Variants in SLC22A31 observed in about 807,000 individuals in gnomAD.
SLC22A31 encodes the protein solute carrier family 22 member 31, also known as putative solute carrier family 22 member 31.
In SLC22A31, 42 loss-of-function variants were observed where a neutral mutation model predicts 27.4. The ratio of observed to expected loss-of-function variants is 1.53; its 90% CI spans 1.20 to 1.98. The LOEUF (loss-of-function observed/expected upper bound fraction) is 1.98. SLC22A31 is among the 30% of genes most tolerant of loss of function. SLC22A31 has a pLI of 0.00. For missense variants in SLC22A31, 593 were observed against 479.9 expected (o/e 1.24, Z -2.20); for synonymous variants, 290 against 230.8 (o/e 1.26, Z -2.33).
chr16:89,196,249 G>A lies in SLC22A31; in HGVS notation c.1091C>T (p.Pro364Leu), dbSNP rs117169628. The change falls in exon 9 of 9, where the codon CCC (proline) becomes CTC (leucine). Residue 364 changes from proline (P) to leucine (L), a missense_variant. Coordinates refer to ENST00000682282, the MANE Select transcript of SLC22A31 (RefSeq NM_001384763.1). The part of the protein sequence containing the change: ...GAGFLGQAAG[P>L]LDTLHGRQGF... ...CTGCCGGCCGTGCAGGGTGTCCAGG[G>A]GGCCGGCTGCCTGGCCCAGGAACCC... The A allele has an allele frequency of 0.13, 198,387 of 1,531,988 alleles. 14,078 individuals are homozygous for A. The highest frequency in any genetic ancestry group is 0.14 in the Non-Finnish European group (165,573 of 1,144,900). The allele number at this position is 1,531,988 out of a possible 1,614,324, so 94.9% of individuals were successfully genotyped here. A position where few individuals can be genotyped will look rare whatever the true frequency, so the allele number is the denominator to read the frequency against.
intron 3 of SLC22A31, 85 bp from the exon 4 acceptor site, chr16:89,199,276 C>A: frequency 7.4e-7 from 1 of 1,347,344 alleles, no homozygotes; most frequent in Non-Finnish European, 9.9e-7. Flanking sequence ...CTATTGGTGA[C>A]CTGCCCAGGA....
At position 89,198,977 on chromosome 16, in the gene SLC22A31, A is replaced by C. The variant is rs1167696036; in HGVS notation, c.452+46T>G. ...ACGTCGGTGCAGAGGGAAGCTACAT[A>C]GTCAGCCCCGATGAGGGCTGCTGGC... On this transcript the variant is annotated intron_variant, in intron 4 of 8. Coordinates refer to ENST00000682282, the MANE Select transcript of SLC22A31 (RefSeq NM_001384763.1). 3.3e-6 allele frequency: 5 copies of C among 1,523,086 alleles called. No homozygotes were observed. The South Asian group carries it at 6.0e-5, about 18-fold the overall frequency. The allele number at this position is 1,523,086 out of a possible 1,614,324, so 94.3% of individuals were successfully genotyped here. A position where few individuals can be genotyped will look rare whatever the true frequency, so the allele number is the denominator to read the frequency against.
chr16:89,197,809 C>A (rs1196624963), intron 7 of SLC22A31, among the ~76,000 whole-genome samples: 2 of 152,250 alleles, frequency 1.3e-5, no homozygotes, highest in African/African-American at 2.4e-5. Context: ...CCCTCCCACA[C>A]CAGTCCATGG....
At position 89,199,193 on chromosome 16, in the gene SLC22A31, T is replaced by C. The variant is rs1277575262; in HGVS notation, c.284-2A>G. The C allele has an allele frequency of 7.2e-6, 11 of 1,524,944 alleles. No homozygotes were observed. The Admixed American group carries it at 1.8e-4, about 26-fold the overall frequency. 94.5% of individuals were successfully genotyped at this position (1,524,944 alleles called of 1,614,324 possible). A position where few individuals can be genotyped will look rare whatever the true frequency, so the allele number is the denominator to read the frequency against. The stretch of plus-strand genomic sequence containing the variant: ...GGGGAGGGTCACACAACTCCAGGCC[T>C]GGGCAGACACAGACAGGTTGAAGTG... On this transcript the variant is annotated splice_acceptor_variant, in intron 3 of 8. Coordinates refer to ENST00000682282, the MANE Select transcript of SLC22A31 (RefSeq NM_001384763.1). LOFTEE classifies it high-confidence loss of function.
At chr16:89,201,427 T>A (rs1916606940), upstream of SLC22A31, 1 of 382,446 alleles carries the variant, frequency 2.6e-6, no homozygotes, top group Non-Finnish European at 4.6e-6. Context: ...GCGGCTCGCG[T>A]GGGCCCCAGG....
intron 2 of SLC22A31, 45 bp downstream of exon 2, chr16:89,199,668 G>A (rs1916361034): frequency 1.7e-5 from 7 of 403,836 alleles, no homozygotes; most frequent in Non-Finnish European, 3.1e-5. Context: ...GAGAGTGGGC[G>A]GAGGGGAGGG....
At chr16:89,201,613 G>A (rs1009338693), upstream of SLC22A31, 3 of 398,412 alleles carry the variant, frequency 7.5e-6, no homozygotes, top group Admixed American at 8.8e-5. Flanking sequence ...AGCAGGCGCC[G>A]GGCCCGGCCA....
chr16:89,198,271 T>C lies in SLC22A31; in HGVS notation c.773A>G (p.Tyr258Cys). 6.5e-7 allele frequency: 1 copy of C among 1,535,850 alleles called. No homozygotes were observed. The highest frequency in any genetic ancestry group is 8.7e-7 in the Non-Finnish European group (1 of 1,146,880). ...RSLAPQVPTF[Y>C]LPYFLEAGLE... ...GCCGGCCTCCAGGAAGTAGGGCAGG[T>C]AGAAGGTCGGCACCTGAGGTGCCAG... The change falls in exon 7 of 9, where the codon TAC (tyrosine) becomes TGC (cysteine). Residue 258 changes from tyrosine to cysteine, a missense_variant. Transcript: ENST00000682282.
rs1916349479 is a variant in SLC22A31 at position 89,199,568 on chromosome 16, C to A, written c.129-1G>T. ...CACAAAAACTGCCCGGCGTCCAAAC[C>A]TGGTGGGCAGCGGGGGACATGCTTG... On this transcript the variant is annotated splice_acceptor_variant, in intron 2 of 8. Transcript: ENST00000682282. LOFTEE classifies it high-confidence loss of function. 2.3e-6 allele frequency: 1 copy of A among 441,510 alleles called. No homozygotes were observed. The highest frequency in any genetic ancestry group is 3.2e-5 in the East Asian group (1 of 30,818). 27.3% of individuals were successfully genotyped at this position (441,510 alleles called of 1,614,324 possible).
At chr16:89,201,678 C>T, upstream of SLC22A31, 1 of 395,256 alleles carries the variant, frequency 2.5e-6, no homozygotes, top group Non-Finnish European at 4.5e-6. Flanking sequence ...TCGCAGGCTG[C>T]GCTCGGGACG....
At position 89,198,109 on chromosome 16, in the gene SLC22A31, G is replaced by A. The variant is rs1916147943; in HGVS notation, c.922+13C>T. 6.6e-7 allele frequency: 1 copy of A among 1,504,494 alleles called. No homozygotes were observed. The highest frequency in any genetic ancestry group is 8.7e-7 in the Non-Finnish European group (1 of 1,143,598). The allele number at this position is 1,504,494 out of a possible 1,614,324, so 93.2% of individuals were successfully genotyped here. On this transcript the variant is annotated intron_variant, in intron 7 of 8. Coordinates refer to ENST00000682282, the MANE Select transcript of SLC22A31 (RefSeq NM_001384763.1). ...CAATGGCTCCTGTATGGCCTGCGGG[G>A]CCCCAAGCTCACACTGGGCCCCAGC...
At position 89,198,336 on chromosome 16, in the gene SLC22A31, C is replaced by T; in HGVS notation, c.708G>A (p.Ser236=). ...TAGCTCTGATGCCTCCACCAACCAG[C>T]CTGGGAGAGAGAGCAAATCTATGGG... ...WRNGLILGFS[S]LVGGGIRASF... The change falls in exon 7 of 9, where the codon TCG becomes TCA. Residue 236 remains serine, a splice_region_variant and synonymous_variant. Transcript: ENST00000682282. The T allele has an allele frequency of 6.5e-7, 1 of 1,535,854 alleles. No homozygotes were observed. Among genetic ancestry groups the T allele is most frequent in the Non-Finnish European group, 8.7e-7 (1 of 1,146,856 alleles).
rs1364249373 is a variant in SLC22A31, at chr16:89,196,133, G to GC, written c.1206dup (p.Leu403AlafsTer94). 2.0e-6 allele frequency: 3 copies of GC among 1,534,868 alleles called. 1 individual carries two copies. In the South Asian group the frequency reaches 3.6e-5, roughly 18 times the overall value. On this transcript the variant is annotated frameshift_variant, in exon 9 of 9. Coordinates refer to ENST00000682282, the MANE Select transcript of SLC22A31 (RefSeq NM_001384763.1). LOFTEE classifies it low-confidence loss of function (END_TRUNC). ...TCGGCGTCCTGCAGTGACTGGGGCA[G>GC]CCCCCGGCTTCGGCTCTCAGGCAGC...
In SLC22A31 at chr16:89,198,785, C is replaced by G. The variant is rs1412147261; in HGVS notation, c.465G>C (p.Leu155=). The G allele has an allele frequency of 6.5e-7, 1 of 1,531,952 alleles. No homozygotes were observed. The highest frequency in any genetic ancestry group is 1.4e-5 in the African/African-American group (1 of 72,976). The allele number at this position is 1,531,952 out of a possible 1,614,324, so 94.9% of individuals were successfully genotyped here. Residue 155 remains leucine (L), a synonymous_variant, in exon 5 of 9, where the codon CTG becomes CTC. Transcript: ENST00000682282. ...LLLLFWGFPA[L]FPESPCWLLA... is the part of the protein sequence containing the mutation. ...GCAGCCAGCAGGGAGACTCGGGGAACAGGGCCGGGAACCTGCAGCGTTGGT... is the reference window on the plus strand; with the variant it reads ...GCAGCCAGCAGGGAGACTCGGGGAAGAGGGCCGGGAACCTGCAGCGTTGGT...
At chr16:89,196,551 G>A (rs1424849665) in intron 8 of SLC22A31, among the ~76,000 whole-genome samples, 1 of 152,242 alleles carries the variant, frequency 6.6e-6, no homozygotes, top group Non-Finnish European at 1.5e-5. Flanking sequence ...GCAGGGGGAA[G>A]GCCCGGCCTC....
rs1242176203 is a variant in SLC22A31, at chr16:89,198,407, G to T, written c.707+35C>A. 7.2e-6 allele frequency: 11 copies of T among 1,527,360 alleles called. No homozygotes were observed. In the South Asian group the frequency reaches 1.2e-4, roughly 17 times the overall value. The allele number at this position is 1,527,360 out of a possible 1,614,324, so 94.6% of individuals were successfully genotyped here. A position where few individuals can be genotyped will look rare whatever the true frequency, so the allele number is the denominator to read the frequency against. On this transcript the variant is annotated intron_variant, in intron 6 of 8. Coordinates refer to ENST00000682282, the MANE Select transcript of SLC22A31 (RefSeq NM_001384763.1). Reference sequence around the variant, plus strand: ...CTGGGGACCATATGCCCACCCCGGGGGATGGTGCAGGACCCCAGCCCTTCC... The same window carrying T: ...CTGGGGACCATATGCCCACCCCGGGTGATGGTGCAGGACCCCAGCCCTTCC...
chr16:89,196,511 T>C (rs987455719), intron 8 of SLC22A31: 31 of 887,744 alleles, frequency 3.5e-5, no homozygotes, highest in Admixed American at 1.2e-4. Flanking sequence ...GGGCAACAGA[T>C]TGGGGGACAC....
At chr16:89,200,899 C>G (rs977835819), upstream of SLC22A31, among the ~76,000 whole-genome samples, 1 of 152,260 alleles carries the variant, frequency 6.6e-6, no homozygotes, top group Non-Finnish European at 1.5e-5. Context: ...CAAGCAGAGA[C>G]TCTGCCTTGG....
intron 4 of SLC22A31, 96 bp downstream of exon 4, chr16:89,198,927 C>G: frequency 4.0e-6 from 6 of 1,493,110 alleles, no homozygotes; most frequent in Non-Finnish European, 5.4e-6. Flanking sequence ...GACCCTGTAA[C>G]CCATGCGTTT....
Sources: gnomAD v4.1 joint callset for allele counts (sites outside exome capture counted in the v4.1 genomes callset) on GRCh38, gnomAD v4.1.1 for gene constraint, MANE v1.5 for transcripts, NCBI Gene and HGNC (gene_info 2026-07-23, HGNC 2026-07-21) for gene names.